XKR5: variants seen among roughly 807,000 people sequenced by gnomAD.
XKR5 encodes the protein XK related 5.
In XKR5, 46 loss-of-function variants were observed where a neutral mutation model predicts 40.8. The ratio of observed to expected loss-of-function variants is 1.13; its 90% CI spans 0.89 to 1.44. The LOEUF (loss-of-function observed/expected upper bound fraction) is 1.44, where lower values mean the gene tolerates loss of function less well. XKR5 is among the 40% of genes most tolerant of loss of function. The pLI is 0.00. For synonymous variants in XKR5, 466 were observed against 356.1 expected (o/e 1.31, Z -3.48); for missense variants, 1,169 against 844.7 (o/e 1.38, Z -4.76).
chr8:6,831,829 C>A (rs1477984988), intron 2 of XKR5, among the ~76,000 whole-genome samples: 1 of 152,038 alleles, frequency 6.6e-6, no homozygotes, highest in Admixed American at 6.5e-5. Flanking sequence ...TGCTGGCTAA[C>A]CCAGTGAAAC....
intron 6 of XKR5, among the ~76,000 whole-genome samples, chr8:6,813,657 A>T (rs1447682440): frequency 6.6e-6 from 1 of 152,140 alleles, no homozygotes; most frequent in Non-Finnish European, 1.5e-5. Flanking sequence ...AGGCCGGAGG[A>T]GGAGCGGCAG....
chr8:6,816,510 C>T (rs1316563787), intron 5 of XKR5, among the ~76,000 whole-genome samples: 2 of 151,970 alleles, frequency 1.3e-5, no homozygotes, highest in African/African-American at 4.8e-5. Context: ...CTTTGTACGC[C>T]CATCTGGGTC....
chr8:6,831,517 A>T (rs28446920), intron 2 of XKR5, among the ~76,000 whole-genome samples: 2,308 of 152,154 alleles, frequency 0.015, 59 homozygotes, highest in African/African-American at 0.052. Context: ...CCCTGCTCAC[A>T]GTGATGCTCT....
At chr8:6,832,082 A>T (rs1298427658) in intron 2 of XKR5, among the ~76,000 whole-genome samples, 1 of 151,826 alleles carries the variant, frequency 6.6e-6, no homozygotes, top group Non-Finnish European at 1.5e-5. Context: ...CTGCCAGCTG[A>T]AATGTGCCCT....
chr8:6,832,651 G>C (rs2978902), intron 2 of XKR5, 66 bp downstream of exon 2: 872,641 of 1,581,454 alleles, frequency 0.55, 244,294 homozygotes, highest in African/African-American at 0.77. Context: ...TCCACATGGA[G>C]AGAAGATTCC....
chr8:6,816,994 G>A (rs1351317487), intron 5 of XKR5, among the ~76,000 whole-genome samples: 1 of 152,110 alleles, frequency 6.6e-6, no homozygotes, highest in South Asian at 2.1e-4. Flanking sequence ...AAATGCCTTG[G>A]CCAGCAGCCA....
chr8:6,817,568 G>A (rs1278208934), intron 5 of XKR5, among the ~76,000 whole-genome samples: 1 of 151,628 alleles, frequency 6.6e-6, no homozygotes, highest in Admixed American at 6.6e-5. Context: ...TCACCCCTAC[G>A]ATGCTGACCT....
chr8:6,826,339 G>C (rs1285829656), intron 2 of XKR5, among the ~76,000 whole-genome samples: 1 of 152,162 alleles, frequency 6.6e-6, no homozygotes, highest in East Asian at 1.9e-4. Flanking sequence ...GAGTGTGTGT[G>C]TGTGCACGCA....
At chr8:6,815,154 G>C (rs1044426626) in intron 6 of XKR5, among the ~76,000 whole-genome samples, 2 of 152,364 alleles carry the variant, frequency 1.3e-5, no homozygotes, top group Admixed American at 1.3e-4. Context: ...GCTGTGCTGG[G>C]AGAGGAGGCT....
chr8:6,819,890 T>C (rs1804155442), intron 5 of XKR5, among the ~76,000 whole-genome samples: 1 of 149,966 alleles, frequency 6.7e-6, no homozygotes, highest in African/African-American at 2.4e-5. Context: ...CTTCCTTCCT[T>C]CCTCCTTTCC....
intron 3 of XKR5, among the ~76,000 whole-genome samples, chr8:6,824,873 A>T (rs148125774): frequency 6.2e-4 from 95 of 152,316 alleles, no homozygotes; most frequent in African/African-American, 2.2e-3. Flanking sequence ...CAGTGAGTTT[A>T]TGGAGAGGCA....
chr8:6,828,406 G>T (rs950006233), intron 2 of XKR5, among the ~76,000 whole-genome samples: 1 of 152,180 alleles, frequency 6.6e-6, no homozygotes, highest in Non-Finnish European at 1.5e-5. Flanking sequence ...TAAGGCGGGG[G>T]CCAGGAGAGG....
intron 6 of XKR5, 25 bp from the exon 7 acceptor site, chr8:6,812,364 A>G (rs150849320): frequency 6.6e-7 from 1 of 1,519,494 alleles, no homozygotes; most frequent in Non-Finnish European, 8.8e-7. Context: ...AAAGACCACA[A>G]GGTTATGTTC....
intron 5 of XKR5, among the ~76,000 whole-genome samples, chr8:6,821,493 A>G (rs1198123556): frequency 6.6e-6 from 1 of 152,226 alleles, no homozygotes; most frequent in African/African-American, 2.4e-5. Context: ...CTCTAGGGCC[A>G]TGCCTGGATC....
Position 6,812,159 on chromosome 8 carries a change from G to T in XKR5, c.1100C>A (p.Ala367Glu). The T allele has an allele frequency of 1.3e-6, 2 of 1,551,554 alleles. No individual in the cohort carries two copies. Among genetic ancestry groups the T allele is most frequent in the South Asian group, 1.2e-5 (1 of 84,064 alleles). ...CCCTAAAATGGTTGGTTCATAACTT[G>T]CCCCTTGGCATGAGCCTGAGCTCTC... is the stretch of plus-strand genomic sequence containing the variant. Reference protein sequence around the residue: ...RTESSGSCQGASYEPTILGKP... With the variant: ...RTESSGSCQGESYEPTILGKP... Residue 367 changes from alanine (A) to glutamate (E), a missense_variant, in exon 7 of 7, where the codon GCA becomes GAA. Ala to Glu is a moderately radical substitution (Grantham distance 107). Coordinates refer to ENST00000618742, the MANE Select transcript of XKR5 (RefSeq NM_207411.5).
chr8:6,829,402 A>G (rs1216178497), intron 2 of XKR5: 2 of 165,844 alleles, frequency 1.2e-5, no homozygotes, highest in Non-Finnish European at 2.9e-5. Flanking sequence ...TTGTTTAAAT[A>G]AGTGGTCACC....
intron 2 of XKR5, among the ~76,000 whole-genome samples, chr8:6,828,083 A>AG (rs1193846190): frequency 6.6e-6 from 1 of 152,114 alleles, no homozygotes; most frequent in Non-Finnish European, 1.5e-5. Context: ...AAAAAAGAAA[A>AG]GGGGGGAAGT....
chr8:6,819,232 G>A (rs1804111510), intron 5 of XKR5, among the ~76,000 whole-genome samples: 1 of 152,208 alleles, frequency 6.6e-6, no homozygotes, highest in Admixed American at 6.5e-5. Context: ...TCCAGGGCCT[G>A]GGGTCTGGCA....
chr8:6,813,897 G>A (rs867847895), intron 6 of XKR5, among the ~76,000 whole-genome samples: 1 of 152,184 alleles, frequency 6.6e-6, no homozygotes, highest in African/African-American at 2.4e-5. Flanking sequence ...CATCTTTTCT[G>A]AGTCAGTGTT....
Sources: gnomAD v4.1 joint callset for allele counts (sites outside exome capture counted in the v4.1 genomes callset) on GRCh38, gnomAD v4.1.1 for gene constraint, MANE v1.5 for transcripts, NCBI Gene and HGNC (gene_info 2026-07-23, HGNC 2026-07-21) for gene names.